CD38: variants seen among roughly 807,000 people sequenced by gnomAD.
CD38 encodes the protein CD38 molecule.
In CD38, 31 loss-of-function variants were observed where a neutral mutation model predicts 36.3. The ratio of observed to expected loss-of-function variants is 0.85; its 90% CI spans 0.64 to 1.15. The LOEUF is 1.15. CD38 is among the 50% of genes most tolerant of loss of function. The pLI is 0.00. For synonymous variants in CD38, 131 were observed against 135.2 expected (o/e 0.97, Z 0.22); for missense variants, 380 against 371.9 (o/e 1.02, Z -0.18).
intron 7 of CD38, among the ~76,000 whole-genome samples, chr4:15,841,912 C>T (rs1410479495): frequency 4.6e-5 from 6 of 129,524 alleles, no homozygotes; most frequent in Non-Finnish European, 7.9e-5. Context: ...GGGTCCTACG[C>T]CCACGGAATC....
chr4:15,818,230 G>T (rs183523887), intron 2 of CD38, among the ~76,000 whole-genome samples: 1 of 152,152 alleles, frequency 6.6e-6, no homozygotes, highest in Non-Finnish European at 1.5e-5. Flanking sequence ...TGCTAAGGGG[G>T]CTGGGAAGTC....
intron 1 of CD38, among the ~76,000 whole-genome samples, chr4:15,790,347 T>G (rs1431281983): frequency 2.2e-5 from 3 of 137,690 alleles, no homozygotes; most frequent in African/African-American, 5.5e-5. Context: ...TGGTTTTCGT[T>G]TTTTTTTTTT....
chr4:15,798,830 G>A (rs1232994554), intron 1 of CD38, among the ~76,000 whole-genome samples: 2 of 151,814 alleles, frequency 1.3e-5, no homozygotes, highest in Non-Finnish European at 2.9e-5. Flanking sequence ...ATCTTTTTAT[G>A]TGTTTATTTG....
Position 15,850,105 on chromosome 4 carries a change from T to C in CD38, c.*1503T>C, listed in dbSNP as rs1251453961. 2.6e-5 allele frequency: 4 copies of C among 152,124 alleles called. No homozygotes were observed. The highest frequency in any genetic ancestry group is 5.9e-5 in the Non-Finnish European group (4 of 68,028). The allele number at this position is 152,124 out of a possible 1,614,324, so 9.4% of individuals were successfully genotyped here. A position where few individuals can be genotyped will look rare whatever the true frequency, so the allele number is the denominator to read the frequency against. On this transcript the variant is annotated 3_prime_UTR_variant, in exon 8 of 8. Coordinates refer to ENST00000226279, the MANE Select transcript of CD38 (RefSeq NM_001775.4). ...GAGGATCGCCTGAGCTCAGGAGTTT[T>C]TACACCAGCCTGGGAATAACAGTGA...
chr4:15,823,402 G>A (rs756678201), intron 2 of CD38, among the ~76,000 whole-genome samples: 3 of 152,188 alleles, frequency 2.0e-5, no homozygotes, highest in African/African-American at 4.8e-5. Flanking sequence ...CAGAATGGGA[G>A]AAGATTTTTG....
At chr4:15,807,417 A>C (rs1209235991) in intron 1 of CD38, among the ~76,000 whole-genome samples, 1 of 152,220 alleles carries the variant, frequency 6.6e-6, no homozygotes, top group Non-Finnish European at 1.5e-5. Flanking sequence ...TTGTGTTCAC[A>C]TCATGGTCTA....
chr4:15,827,487 T>C (rs1178191635), intron 3 of CD38, among the ~76,000 whole-genome samples: 1 of 152,190 alleles, frequency 6.6e-6, no homozygotes. Flanking sequence ...GATCTGAGTC[T>C]TCCCACCTAG....
intron 1 of CD38, among the ~76,000 whole-genome samples, chr4:15,804,937 A>C (rs1373024552): frequency 6.6e-6 from 1 of 152,220 alleles, no homozygotes; most frequent in Non-Finnish European, 1.5e-5. Context: ...ACCAGCACAA[A>C]GAAATGATAA....
At chr4:15,810,617 CT>C (rs547305217) in intron 1 of CD38, among the ~76,000 whole-genome samples, 2 of 152,018 alleles carry the variant, frequency 1.3e-5, no homozygotes, top group Admixed American at 1.3e-4. Context: ...ATGTAATAAG[CT>C]TTTTTTTCCT....
At chr4:15,820,451 C>T (rs764261208) in intron 2 of CD38, among the ~76,000 whole-genome samples, 1 of 152,106 alleles carries the variant, frequency 6.6e-6, no homozygotes, top group Non-Finnish European at 1.5e-5. Context: ...ACCCATCTCA[C>T]ATGCAAAGAC....
intron 1 of CD38, among the ~76,000 whole-genome samples, chr4:15,796,709 C>G (rs535783258): frequency 7.9e-5 from 12 of 152,180 alleles, no homozygotes; most frequent in African/African-American, 2.2e-4. Context: ...TAGAAATATT[C>G]TCTGCATATA....
chr4:15,786,837 G>A lies in CD38; in HGVS notation c.233+8190G>A, dbSNP rs919958568. On this transcript the variant is annotated intron_variant, in intron 1 of 7. Coordinates refer to ENST00000226279, the MANE Select transcript of CD38 (RefSeq NM_001775.4). ...GGAGCCCACGGCAGGGAGGGTGGGG[G>A]GAGGCTCAGGCATGGTGGGCTACAG... is the stretch of plus-strand genomic sequence containing the variant. Among the ~76,000 whole-genome samples the A allele has an allele frequency of 6.6e-5, 10 of 152,206 alleles. No individual in the cohort carries two copies. The South Asian group carries it at 2.1e-3, about 32-fold the overall frequency.
chr4:15,837,808 C>T (rs1453884396), intron 4 of CD38, among the ~76,000 whole-genome samples: 1 of 152,194 alleles, frequency 6.6e-6, no homozygotes, highest in Non-Finnish European at 1.5e-5. Context: ...TCCTCTTACT[C>T]CTCTGGACTT....
At chr4:15,796,499 ATG>A (rs1288974107) in intron 1 of CD38, among the ~76,000 whole-genome samples, 2 of 152,290 alleles carry the variant, frequency 1.3e-5, no homozygotes, top group Non-Finnish European at 2.9e-5. Context: ...TGAAATGTTC[ATG>A]GAATAGTAGT....
rs377567111 is a variant in CD38, at chr4:15,850,893, C to T, written c.*2291C>T. 6.6e-6 allele frequency: 1 copy of T among 152,246 alleles called. No individual in the cohort carries two copies. The highest frequency in any genetic ancestry group is 2.4e-5 in the African/African-American group (1 of 41,438). The allele number at this position is 152,246 out of a possible 1,614,324, so 9.4% of individuals were successfully genotyped here. A position where few individuals can be genotyped will look rare whatever the true frequency, so the allele number is the denominator to read the frequency against. On this transcript the variant is annotated 3_prime_UTR_variant, in exon 8 of 8. Coordinates refer to ENST00000226279, the MANE Select transcript of CD38 (RefSeq NM_001775.4). Reference sequence around the variant, plus strand: ...TGCTGTTTTCCTCTTAAGATCCTTTCCACTTTGGTTGCTGCTTTCGGGACT... The same window carrying T: ...TGCTGTTTTCCTCTTAAGATCCTTTTCACTTTGGTTGCTGCTTTCGGGACT...
intron 4 of CD38, among the ~76,000 whole-genome samples, chr4:15,834,600 T>C (rs917734732): frequency 2.0e-5 from 3 of 152,184 alleles, no homozygotes; most frequent in Non-Finnish European, 2.9e-5. Context: ...TATTAGTCAA[T>C]CTTAGATACC....
chr4:15,824,534 T>G (rs1243685680), intron 2 of CD38, among the ~76,000 whole-genome samples: 1 of 152,046 alleles, frequency 6.6e-6, no homozygotes, highest in Non-Finnish European at 1.5e-5. Flanking sequence ...TAGACAAAGT[T>G]TTTTTGGAGA....
intron 1 of CD38, among the ~76,000 whole-genome samples, chr4:15,805,731 TG>T (rs1468317518): frequency 6.6e-6 from 1 of 152,222 alleles, no homozygotes; most frequent in Admixed American, 6.5e-5. Flanking sequence ...GTTTTCTGAT[TG>T]TAAGATTCTA....
intron 1 of CD38, among the ~76,000 whole-genome samples, chr4:15,787,045 C>T (rs1722852234): frequency 6.6e-6 from 1 of 152,210 alleles, no homozygotes; most frequent in South Asian, 2.1e-4. Context: ...CCTGGGGAGC[C>T]CACGCCCACC....
Sources: gnomAD v4.1 joint callset for allele counts (sites outside exome capture counted in the v4.1 genomes callset) on GRCh38, gnomAD v4.1.1 for gene constraint, MANE v1.5 for transcripts, NCBI Gene and HGNC (gene_info 2026-07-23, HGNC 2026-07-21) for gene names.